MYBPC1: variants seen among roughly 807,000 people sequenced by gnomAD.
MYBPC1 encodes myosin binding protein C1, also known as myosin-binding protein C, slow-type.
A neutral mutation model predicts 147.1 loss-of-function variants in MYBPC1; 52 were observed. The observed-to-expected ratio is 0.35, with a 90% CI of 0.28 to 0.45. The LOEUF (loss-of-function observed/expected upper bound fraction) is 0.45. Ranked by LOEUF, MYBPC1 falls within the 20% of genes least tolerant of loss-of-function variation. The pLI is 1.00. For synonymous variants in MYBPC1, 477 were observed against 475.9 expected (o/e 1.00, Z -0.03); for missense variants, 1,228 against 1,440.3 (o/e 0.85, Z 2.39).
intron 1 of MYBPC1, among the ~76,000 whole-genome samples, chr12:101,613,039 TTA>T (rs1884832766): frequency 6.6e-6 from 1 of 152,234 alleles, no homozygotes; most frequent in African/African-American, 2.4e-5. Flanking sequence ...TGTCTTTTGG[TTA>T]TATATATCCT....
At chr12:101,665,272 T>C (rs761571558) in intron 22 of MYBPC1, among the ~76,000 whole-genome samples, 5 of 152,116 alleles carry the variant, frequency 3.3e-5, no homozygotes, top group South Asian at 4.1e-4. Flanking sequence ...TCTATGGGAG[T>C]TCTCTCACAA....
At chr12:101,687,070 TATA>T (rs1951358983), downstream of MYBPC1, among the ~76,000 whole-genome samples, 1 of 151,868 alleles carries the variant, frequency 6.6e-6, no homozygotes, top group East Asian at 1.9e-4. Context: ...ATTGTTTTTA[TATA>T]TATATATATT....
chr12:101,627,285 C>G (rs1428924037), intron 4 of MYBPC1, among the ~76,000 whole-genome samples: 3 of 152,052 alleles, frequency 2.0e-5, no homozygotes, highest in Non-Finnish European at 4.4e-5. Context: ...CTCTATTGCC[C>G]AGGCTGGAGT....
chr12:101,661,599 A>G (rs776232823), intron 20 of MYBPC1, among the ~76,000 whole-genome samples: 1 of 152,118 alleles, frequency 6.6e-6, no homozygotes, highest in Non-Finnish European at 1.5e-5. Flanking sequence ...TTTAGAATTA[A>G]ATAATTAGGC....
intron 23 of MYBPC1, 53 bp from the exon 24 acceptor site, chr12:101,670,268 T>C: frequency 6.8e-7 from 1 of 1,473,794 alleles, no homozygotes; most frequent in South Asian, 1.1e-5. Flanking sequence ...TTTGTAAGGC[T>C]ATTTTCAGAC....
intron 20 of MYBPC1, among the ~76,000 whole-genome samples, chr12:101,661,486 G>A (rs1261347201): frequency 1.3e-5 from 2 of 151,922 alleles, no homozygotes; most frequent in African/African-American, 4.8e-5. Flanking sequence ...TTTTTTGTTT[G>A]ACATTTATAC....
intron 3 of MYBPC1, among the ~76,000 whole-genome samples, chr12:101,626,271 T>C (rs916938422): frequency 6.6e-6 from 1 of 152,170 alleles, no homozygotes; most frequent in Non-Finnish European, 1.5e-5. Flanking sequence ...AGACATATTT[T>C]GAATTTCACA....
intron 1 of MYBPC1, among the ~76,000 whole-genome samples, chr12:101,601,575 C>T (rs987303689): frequency 6.6e-6 from 1 of 152,216 alleles, no homozygotes; most frequent in African/African-American, 2.4e-5. Flanking sequence ...ATCTGACTTT[C>T]ATTATGCCTT....
intron 18 of MYBPC1, among the ~76,000 whole-genome samples, chr12:101,653,484 C>T (rs1322588916): frequency 2.4e-5 from 2 of 84,220 alleles, no homozygotes; most frequent in Non-Finnish European, 6.2e-5. Context: ...TGTTTTGATG[C>T]ACAGTGAAAA....
At chr12:101,605,657 T>A (rs1881853068) in intron 1 of MYBPC1, among the ~76,000 whole-genome samples, 1 of 152,098 alleles carries the variant, frequency 6.6e-6, no homozygotes, top group Non-Finnish European at 1.5e-5. Context: ...GGTCAGGAGT[T>A]TGAGACCAGC....
intron 1 of MYBPC1, chr12:101,600,396 G>A (rs1369410834): frequency 6.6e-6 from 1 of 151,556 alleles, no homozygotes; most frequent in Admixed American, 6.6e-5. Flanking sequence ...CATGAATGTT[G>A]AAGTCAACTA....
rs372467746 is a variant in MYBPC1, at chr12:101,626,429, A to G, written c.104-443A>G. ...CAATTAATCATGAGGTTTTCTGGGT[A>G]GAAATGAGTTCTCAGATAGTACATA... On this transcript the variant is annotated intron_variant, in intron 3 of 31. Coordinates refer to ENST00000361466, the MANE Select transcript of MYBPC1 (RefSeq NM_002465.4). Among the ~76,000 whole-genome samples, 50 of 152,332 alleles carry G rather than the reference A, an allele frequency of 3.3e-4. 2 individuals carry two copies. The highest frequency in any genetic ancestry group is 1.1e-3 in the African/African-American group (46 of 41,582).
At chr12:101,603,345 C>CA (rs111935505) in intron 1 of MYBPC1, among the ~76,000 whole-genome samples, 511 of 127,820 alleles carry the variant, frequency 4.0e-3, no homozygotes, top group East Asian at 0.026. Context: ...AACTCCGTCT[C>CA]AAAAAAAAAA....
Position 101,673,568 on chromosome 12 carries a change from C to T in MYBPC1, c.2755C>T (p.Gln919Ter). The T allele has an allele frequency of 6.2e-7, 1 of 1,614,064 alleles. No individual in the cohort carries two copies. Among genetic ancestry groups the T allele is most frequent in the Non-Finnish European group, 8.5e-7 (1 of 1,179,990 alleles). The change falls in exon 25 of 32, where the codon CAA becomes TAA. Residue 919 changes from glutamine to a stop codon, truncating the protein, a stop_gained. Coordinates refer to ENST00000361466, the MANE Select transcript of MYBPC1 (RefSeq NM_002465.4). LOFTEE classifies it high-confidence loss of function. ...ERSHSGKYDL[Q>*]VKVDKFVETA... ...GAGCCACTCTGGGAAATATGATCTGCAAGTCAAAGTGGACAAATTCGTGGA... is the reference window on the plus strand; with the variant it reads ...GAGCCACTCTGGGAAATATGATCTGTAAGTCAAAGTGGACAAATTCGTGGA...
chr12:101,667,755 A>G lies in MYBPC1; in HGVS notation c.2380A>G (p.Lys794Glu). ...AGCTGAGGACTGGATAGTTGCAAAC[A>G]AAGATCTGATTGACAAGACGAAGTT... ...EGTEDWIVAN[K>E]DLIDKTKFTI... is the part of the protein sequence containing the mutation. The change falls in exon 23 of 32, where the codon AAA (lysine) becomes GAA (glutamate). Residue 794 changes from lysine to glutamate, a missense_variant. Lys to Glu is a moderately conservative substitution (Grantham distance 56). Around this residue, in one of 2 missense-constraint regions of MYBPC1, gnomAD observed 1,077 missense variants for 1,314.2 expected, o/e 0.82. Transcript: ENST00000361466. 6.2e-7 allele frequency: 1 copy of G among 1,614,202 alleles called. No homozygotes were observed. The highest frequency in any genetic ancestry group is 1.3e-5 in the African/African-American group (1 of 75,056).
Position 101,685,990 on chromosome 12 carries a change from T to G in MYBPC1, c.*428T>G, listed in dbSNP as rs1326294829. 1 of 176,164 alleles carries G rather than the reference T, an allele frequency of 5.7e-6. No individual in the cohort carries two copies. Among genetic ancestry groups the G allele is most frequent in the African/African-American group, 2.4e-5 (1 of 41,692 alleles). The allele number at this position is 176,164 out of a possible 1,614,324, so 10.9% of individuals were successfully genotyped here. A position where few individuals can be genotyped will look rare whatever the true frequency, so the allele number is the denominator to read the frequency against. ...GTTTACATAGTAGGCTATAAATGCT[T>G]TTTTTTTCCTCTCAGAGTAAAAAAC... On this transcript the variant is annotated 3_prime_UTR_variant, in exon 32 of 32. Transcript: ENST00000361466.
chr12:101,678,259 AT>A (rs748930392), intron 28 of MYBPC1, 21 bp downstream of exon 28: 1 of 1,613,444 alleles, frequency 6.2e-7, no homozygotes, highest in Admixed American at 1.7e-5. Context: ...CTTCTATCAC[AT>A]CAGTTAAAGT....
chr12:101,625,059 A>G lies in MYBPC1; in HGVS notation c.104-1813A>G, dbSNP rs143751073. On this transcript the variant is annotated intron_variant, in intron 3 of 31. Coordinates refer to ENST00000361466, the MANE Select transcript of MYBPC1 (RefSeq NM_002465.4). ...AGGGTCCTTTGCAATAAAACTGGTT[A>G]TGACTTGATCCAGGTGTTTAAAAAT... Among the ~76,000 whole-genome samples, 962 of 152,272 alleles carry G rather than the reference A, an allele frequency of 6.3e-3. 8 individuals are homozygous for G. The highest frequency in any genetic ancestry group is 0.018 in the South Asian group (86 of 4,830).
chr12:101,617,566 A>G (rs778829125), intron 3 of MYBPC1, among the ~76,000 whole-genome samples: 3 of 151,756 alleles, frequency 2.0e-5, no homozygotes, highest in Non-Finnish European at 4.4e-5. Context: ...GATTATATCA[A>G]TTGGGAAAAT....
Sources: gnomAD v4.1 joint callset for allele counts (sites outside exome capture counted in the v4.1 genomes callset) on GRCh38, gnomAD v4.1.1 for gene constraint, gnomAD v4.1.1 regional missense constraint, MANE v1.5 for transcripts, NCBI Gene and HGNC (gene_info 2026-07-23, HGNC 2026-07-21) for gene names.